CCDC73: variants seen among roughly 807,000 people sequenced by gnomAD.
The protein encoded by CCDC73 is coiled-coil domain containing 73, also known as coiled-coil domain-containing protein 73.
CCDC73 carries 95 observed loss-of-function variants against 116.5 expected under a neutral mutation model. The observed-to-expected ratio is 0.82, with a 90% CI of 0.69 to 0.97. The LOEUF is 0.97. Ranked by LOEUF, CCDC73 falls within the 50% of genes least tolerant of loss-of-function variation. The pLI is 0.00. For missense variants in CCDC73, 1,066 were observed against 1,206.8 expected, an observed-to-expected ratio of 0.88 and a Z score of 1.73; for synonymous variants, 398 against 401.3, an observed-to-expected ratio of 0.99 and a Z score of 0.10.
intron 14 of CCDC73, among the ~76,000 whole-genome samples, chr11:32,624,538 A>G (rs1460505773): frequency 6.6e-6 from 1 of 151,812 alleles, no homozygotes; most frequent in Non-Finnish European, 1.5e-5. Flanking sequence ...ATGTAGATCT[A>G]TTTTTACGGA....
At chr11:32,768,624 A>C (rs1391983529) in intron 1 of CCDC73, among the ~76,000 whole-genome samples, 1 of 152,222 alleles carries the variant, frequency 6.6e-6, no homozygotes, top group East Asian at 1.9e-4. Flanking sequence ...TATAATTTAA[A>C]ATGCTTCCAG....
At chr11:32,700,714 T>A in intron 5 of CCDC73, 77 bp downstream of exon 5, 1 of 654,220 alleles carries the variant, frequency 1.5e-6, no homozygotes, top group Non-Finnish European at 2.6e-6. Flanking sequence ...ATAAAAGGCA[T>A]CTAGCTATGT....
At position 32,614,234 on chromosome 11, in the gene CCDC73, T is replaced by C. The variant is rs1377721100; in HGVS notation, c.2084A>G (p.Lys695Arg). Residue 695 changes from lysine to arginine, a missense_variant, in exon 16 of 18, where the codon AAA becomes AGA. Coordinates refer to ENST00000335185, the MANE Select transcript of CCDC73 (RefSeq NM_001008391.4). ...FLQVCNDTLE[K>R]SELTVPCDIV... Reference sequence around the variant, plus strand: ...ATCACAGGGAACAGTTAGTTCAGATTTCTCTAAAGTATCATTACAGACTTG... The same window carrying C: ...ATCACAGGGAACAGTTAGTTCAGATCTCTCTAAAGTATCATTACAGACTTG... 6.2e-7 allele frequency: 1 copy of C among 1,613,694 alleles called. No homozygotes were observed. Among genetic ancestry groups the C allele is most frequent in the Non-Finnish European group, 8.5e-7 (1 of 1,179,796 alleles).
intron 14 of CCDC73, among the ~76,000 whole-genome samples, chr11:32,631,709 G>T (rs1855633006): frequency 6.6e-6 from 1 of 152,142 alleles, no homozygotes; most frequent in African/African-American, 2.4e-5. Flanking sequence ...AAGCTAGCTG[G>T]TGTGGTGGTG....
chr11:32,646,771 C>G (rs1370873394), intron 12 of CCDC73, among the ~76,000 whole-genome samples: 1 of 152,128 alleles, frequency 6.6e-6, no homozygotes, highest in Admixed American at 6.5e-5. Flanking sequence ...TCCTCTCCCT[C>G]TATTTTCTCT....
At chr11:32,767,341 A>C (rs1227484009) in intron 1 of CCDC73, among the ~76,000 whole-genome samples, 2 of 152,334 alleles carry the variant, frequency 1.3e-5, no homozygotes, top group South Asian at 2.1e-4. Flanking sequence ...TAAAGACGTA[A>C]ATGTTAGACC....
At chr11:32,772,272 T>C (rs1292587316) in intron 1 of CCDC73, among the ~76,000 whole-genome samples, 2 of 152,146 alleles carry the variant, frequency 1.3e-5, no homozygotes, top group Admixed American at 6.6e-5. Flanking sequence ...TCTTTCATGG[T>C]TTTCTCAAAT....
chr11:32,815,152 T>C, the CCDC73 span, among the ~76,000 whole-genome samples: 1 of 152,194 alleles, frequency 6.6e-6, no homozygotes, highest in Non-Finnish European at 1.5e-5. Flanking sequence ...AATCACTGAA[T>C]TGTACATGTA....
At position 32,760,252 on chromosome 11, in the gene CCDC73, T is replaced by A; in HGVS notation, c.-9A>T. ...TTGAAGTTGCTTTCCATATTAATAT[T>A]TATTTCCTGTAATGTAAAAAGGTCT... is the stretch of plus-strand genomic sequence containing the variant. On this transcript the variant is annotated 5_prime_UTR_variant, in exon 2 of 18. Coordinates refer to ENST00000335185, the MANE Select transcript of CCDC73 (RefSeq NM_001008391.4). 1 of 1,521,108 alleles carries A rather than the reference T, an allele frequency of 6.6e-7. No homozygotes were observed. 94.2% of individuals were successfully genotyped at this position (1,521,108 alleles called of 1,614,324 possible).
chr11:32,680,687 C>T (rs1186109822), intron 7 of CCDC73: 1 of 152,014 alleles, frequency 6.6e-6, no homozygotes, highest in African/African-American at 2.4e-5. Flanking sequence ...CTTAAGGAGA[C>T]TGATTTGAAA....
At chr11:32,718,044 CT>C in intron 3 of CCDC73, 31 bp downstream of exon 3, 1 of 1,463,450 alleles carries the variant, frequency 6.8e-7, no homozygotes, top group Non-Finnish European at 9.4e-7. Flanking sequence ...TGAGATTTGG[CT>C]GGGGACACAA....
intron 2 of CCDC73, among the ~76,000 whole-genome samples, chr11:32,733,693 C>G (rs1850100227): frequency 6.6e-6 from 1 of 152,168 alleles, no homozygotes; most frequent in Admixed American, 6.5e-5. Flanking sequence ...GAAATGAAGG[C>G]AGAAATAAAG....
At chr11:32,679,553 G>A (rs924710008) in intron 7 of CCDC73, among the ~76,000 whole-genome samples, 4 of 152,054 alleles carry the variant, frequency 2.6e-5, no homozygotes, top group East Asian at 1.9e-4. Flanking sequence ...TAATAGAGAC[G>A]GGGTTTCACT....
At chr11:32,742,657 T>C (rs1475957767) in intron 2 of CCDC73, among the ~76,000 whole-genome samples, 1 of 152,242 alleles carries the variant, frequency 6.6e-6, no homozygotes, top group Non-Finnish European at 1.5e-5. Flanking sequence ...TTCTTTAGTT[T>C]AATTAGATCC....
At chr11:32,818,081 C>T in the CCDC73 span, among the ~76,000 whole-genome samples, 5 of 152,224 alleles carry the variant, frequency 3.3e-5, no homozygotes, top group Admixed American at 1.3e-4. Context: ...AGTTCCTCTT[C>T]TTGAATTTGT....
chr11:32,620,352 A>G (rs1485954611), intron 14 of CCDC73, among the ~76,000 whole-genome samples: 2 of 152,094 alleles, frequency 1.3e-5, no homozygotes, highest in Non-Finnish European at 2.9e-5. Flanking sequence ...ATAAACACAC[A>G]TGCACCCAAG....
chr11:32,763,431 G>T (rs1463012157), intron 1 of CCDC73, among the ~76,000 whole-genome samples: 10 of 152,212 alleles, frequency 6.6e-5, no homozygotes, highest in Admixed American at 6.5e-4. Flanking sequence ...AACATTTGCT[G>T]TTCAGCAATA....
chr11:32,824,940 C>T, the CCDC73 span, among the ~76,000 whole-genome samples: 1 of 152,094 alleles, frequency 6.6e-6, no homozygotes, highest in Non-Finnish European at 1.5e-5. Context: ...CAAAAATTAG[C>T]CAGGCATGAT....
intron 12 of CCDC73, among the ~76,000 whole-genome samples, chr11:32,652,506 A>G (rs978085932): frequency 2.0e-5 from 3 of 152,172 alleles, no homozygotes; most frequent in Admixed American, 2.0e-4. Context: ...TCCCTACAAG[A>G]GATTTTCCTG....
Sources: gnomAD v4.1 joint callset for allele counts (sites outside exome capture counted in the v4.1 genomes callset) on GRCh38, gnomAD v4.1.1 for gene constraint, MANE v1.5 for transcripts, NCBI Gene and HGNC (gene_info 2026-07-23, HGNC 2026-07-21) for gene names.